Variants in SYNJ2 observed in about 807,000 individuals in gnomAD.
SYNJ2 encodes the protein synaptojanin 2, also known as polyphosphatidylinositol phosphatase SYNJ2.
Under a neutral mutation model 141.3 loss-of-function variants are expected in SYNJ2, and 116 were observed. That is an observed-to-expected ratio of 0.82 (90% CI 0.71 to 0.96). SYNJ2 has a LOEUF of 0.96. Ranked by LOEUF, SYNJ2 falls within the 40% of genes least tolerant of loss-of-function variation. The pLI, the probability that SYNJ2 is intolerant of heterozygous loss-of-function variation, is 0.00. For synonymous variants in SYNJ2, 745 were observed against 777.7 expected (o/e 0.96, Z 0.70); for missense variants, 1,873 against 1,934.8 (o/e 0.97, Z 0.60).
chr6:158,004,214 C>T (rs544229105), intron 1 of SYNJ2, among the ~76,000 whole-genome samples: 2 of 152,216 alleles, frequency 1.3e-5, no homozygotes, highest in South Asian at 4.2e-4. Flanking sequence ...GGATCTGAGA[C>T]CTGCTGGGCT....
chr6:158,047,794 A>C (rs895077558), intron 5 of SYNJ2, among the ~76,000 whole-genome samples: 6 of 149,706 alleles, frequency 4.0e-5, no homozygotes, highest in African/African-American at 7.4e-5. Context: ...AAAAAAAAAA[A>C]AAAAAAAAAA....
rs148818656 is a variant in SYNJ2, at chr6:158,026,761, A to C, written c.215-1995A>C. ...AATTTTCCATAGCTCTGGCAGCCACAGGGGCCATCCTCCTGCCTCTCCGAG... is the reference window on the plus strand; with the variant it reads ...AATTTTCCATAGCTCTGGCAGCCACCGGGGCCATCCTCCTGCCTCTCCGAG... On this transcript the variant is annotated intron_variant, in intron 2 of 26. Coordinates refer to ENST00000355585, the MANE Select transcript of SYNJ2 (RefSeq NM_003898.4). 115 of 928,944 alleles carry C rather than the reference A, an allele frequency of 1.2e-4. No homozygotes were observed. The African/African-American group carries it at 1.9e-3, about 16-fold the overall frequency. The allele number at this position is 928,944 out of a possible 1,614,324, so 57.5% of individuals were successfully genotyped here.
intron 4 of SYNJ2, among the ~76,000 whole-genome samples, chr6:158,041,001 T>TCATA (rs1779918297): frequency 6.6e-6 from 1 of 152,198 alleles, no homozygotes; most frequent in South Asian, 2.1e-4. Context: ...GCATGCATAG[T>TCATA]CATAGCGTCA....
Position 158,070,602 on chromosome 6 carries a change from G to A in SYNJ2, c.1940+929G>A, listed in dbSNP as rs569776494. ...GAGGAGAGCCAGGTTTCCCAGGCTC[G>A]GTGTCCTCGGCTTCACGTGCCTTTA... On this transcript the variant is annotated intron_variant, in intron 14 of 26. Transcript: ENST00000355585. The surrounding 1 kb of genome is among the most constrained non-coding windows in gnomAD (Gnocchi z 4.0). 1.9e-5 allele frequency: 14 copies of A among 742,362 alleles called. No individual in the cohort carries two copies. Among genetic ancestry groups the A allele is most frequent in the South Asian group, 6.1e-5 (1 of 16,342 alleles). 46.0% of individuals were successfully genotyped at this position (742,362 alleles called of 1,614,324 possible).
intron 2 of SYNJ2, among the ~76,000 whole-genome samples, chr6:158,019,083 T>C (rs1433204422): frequency 1.3e-5 from 2 of 152,260 alleles, no homozygotes; most frequent in African/African-American, 4.8e-5. Flanking sequence ...GTTCCATCCA[T>C]GCTGATGCCC....
chr6:158,025,291 C>T (rs1290834403), intron 2 of SYNJ2, among the ~76,000 whole-genome samples: 1 of 152,226 alleles, frequency 6.6e-6, no homozygotes, highest in Non-Finnish European at 1.5e-5. Context: ...CACCTCAAAC[C>T]ATCACCTTGG....
intron 1 of SYNJ2, among the ~76,000 whole-genome samples, chr6:158,013,595 T>C (rs999410093): frequency 6.6e-6 from 1 of 152,186 alleles, no homozygotes; most frequent in Admixed American, 6.5e-5. Context: ...TGGATCCTCA[T>C]TATTTGTGGA....
chr6:158,041,846 C>G (rs562222295), intron 4 of SYNJ2, among the ~76,000 whole-genome samples: 31 of 152,324 alleles, frequency 2.0e-4, no homozygotes, highest in African/African-American at 7.5e-4. Context: ...ATAGCTGGGA[C>G]TACAGGCATA....
chr6:158,086,024 C>G (rs1281329534), intron 22 of SYNJ2, among the ~76,000 whole-genome samples: 2 of 152,074 alleles, frequency 1.3e-5, no homozygotes, highest in Non-Finnish European at 2.9e-5. Flanking sequence ...AAACTAATAG[C>G]GCAACACGGG....
chr6:158,007,547 C>T lies in SYNJ2; in HGVS notation c.128-9657C>T, dbSNP rs578112641. ...TCTCATATCCCATAACCAATCTGTCCATGGTTCCACCTTCAAAATATACCC... is the reference window on the plus strand; with the variant it reads ...TCTCATATCCCATAACCAATCTGTCTATGGTTCCACCTTCAAAATATACCC... On this transcript the variant is annotated intron_variant, in intron 1 of 26. Transcript: ENST00000355585. Among the ~76,000 whole-genome samples the T allele has an allele frequency of 5.9e-5, 9 of 152,356 alleles. No individual in the cohort carries two copies. The South Asian group carries it at 1.9e-3, about 32-fold the overall frequency.
intron 17 of SYNJ2, chr6:158,077,650 T>TAAAAAAAAAAAA (rs56028079): frequency 3.9e-5 from 5 of 128,206 alleles, no homozygotes; most frequent in African/African-American, 1.4e-4. Context: ...AACTAGTACA[T>TAAAAAAAAAAAA]AAAAAAAAAA....
intron 1 of SYNJ2, among the ~76,000 whole-genome samples, chr6:158,012,743 T>C (rs1778312152): frequency 6.6e-6 from 1 of 152,226 alleles, no homozygotes; most frequent in African/African-American, 2.4e-5. Flanking sequence ...GGCAGGCTGA[T>C]GGAAAAGGTG....
chr6:158,093,931 T>G lies in SYNJ2; in HGVS notation c.3744+827T>G, dbSNP rs1252306785. The G allele has an allele frequency of 3.9e-6, 3 of 765,198 alleles. No homozygotes were observed. In the Admixed American group the frequency reaches 5.1e-5, roughly 13 times the overall value. 47.4% of individuals were successfully genotyped at this position (765,198 alleles called of 1,614,324 possible). A position where few individuals can be genotyped will look rare whatever the true frequency, so the allele number is the denominator to read the frequency against. On this transcript the variant is annotated intron_variant, in intron 26 of 26. Transcript: ENST00000355585. ...TCTCAAGCTTCTCAGCCTTGCTTAC[T>G]GCTTCAAAGACATGAGTTTGTAAGG... is the stretch of plus-strand genomic sequence containing the variant.
rs553363704 is a variant in SYNJ2 at position 158,055,475 on chromosome 6, T to A, written c.857+447T>A. ...TTTACTATTAGTAGTTTTTTACATG[T>A]CATTCTAGAAAACAATTTTGGCATT... On this transcript the variant is annotated intron_variant, in intron 6 of 26. Coordinates refer to ENST00000355585, the MANE Select transcript of SYNJ2 (RefSeq NM_003898.4). 1.3e-3 allele frequency among the ~76,000 whole-genome samples: 195 copies of A among 152,078 alleles called. 1 individual carries two copies. The highest frequency in any genetic ancestry group is 2.3e-3 in the South Asian group (11 of 4,806).
intron 3 of SYNJ2, chr6:158,030,544 G>A (rs180901747): frequency 5.9e-5 from 9 of 152,722 alleles, no homozygotes; most frequent in Admixed American, 3.9e-4. Context: ...ATCCTCTTTG[G>A]TTCTCTGGTA....
rs1182940541 is a variant in SYNJ2 at position 158,089,880 on chromosome 6, G to A, written c.3498G>A (p.Lys1166=). 1.2e-5 allele frequency: 19 copies of A among 1,613,986 alleles called. No homozygotes were observed. The highest frequency in any genetic ancestry group is 1.4e-5 in the Non-Finnish European group (17 of 1,180,014). The change falls in exon 25 of 27, where the codon AAG becomes AAA. Residue 1166 remains lysine, a synonymous_variant. Transcript: ENST00000355585. Reference sequence around the variant, plus strand: ...GAATAAGTAAACCTTATAATGTCAAGCAGATCAAAACCACCAATGCCCAGG... The same window carrying A: ...GAATAAGTAAACCTTATAATGTCAAACAGATCAAAACCACCAATGCCCAGG... The part of the protein sequence containing the change: ...RTGISKPYNV[K]QIKTTNAQEA...
chr6:158,002,432 A>T (rs1409741690), intron 1 of SYNJ2: 2 of 152,320 alleles, frequency 1.3e-5, no homozygotes, highest in Non-Finnish European at 1.5e-5. Flanking sequence ...TCCCAAGAGG[A>T]ATCACCTGAG....
intron 26 of SYNJ2, among the ~76,000 whole-genome samples, chr6:158,094,729 GTCTACTGA>G (rs1203974934): frequency 6.6e-6 from 1 of 152,212 alleles, no homozygotes; most frequent in African/African-American, 2.4e-5. Flanking sequence ...TGTTTAACTA[GTCTACTGA>G]TCACCTTTTC....
Position 158,017,661 on chromosome 6 carries a change from T to G in SYNJ2, c.214+371T>G. 4.3e-6 allele frequency: 2 copies of G among 461,554 alleles called. 1 individual carries two copies. Among genetic ancestry groups the G allele is most frequent in the South Asian group, 3.1e-5 (2 of 64,100 alleles). 28.6% of individuals were successfully genotyped at this position (461,554 alleles called of 1,614,324 possible). Reference sequence around the variant, plus strand: ...AAACTCCGACCTCAGGTGGTCCACCTGCCTCAGCCTCCCAAAGTGCTGGGA... The same window carrying G: ...AAACTCCGACCTCAGGTGGTCCACCGGCCTCAGCCTCCCAAAGTGCTGGGA... On this transcript the variant is annotated intron_variant, in intron 2 of 26. Transcript: ENST00000355585.
Sources: gnomAD v4.1 joint callset for allele counts (sites outside exome capture counted in the v4.1 genomes callset) on GRCh38, gnomAD v4.1.1 for gene constraint, Gnocchi (gnomAD v3.1) non-coding constraint, MANE v1.5 for transcripts, NCBI Gene and HGNC (gene_info 2026-07-23, HGNC 2026-07-21) for gene names.